Variants in CSMD3 observed in about 807,000 individuals in gnomAD.
CSMD3 encodes CUB and sushi domain-containing protein 3.
In CSMD3, 177 loss-of-function variants were observed where a neutral mutation model predicts 435.2. That is an observed-to-expected ratio of 0.41 (90% CI 0.36 to 0.46). The LOEUF (loss-of-function observed/expected upper bound fraction) is 0.46, where lower values mean the gene tolerates loss of function less well. Among genes scored for constraint, CSMD3 ranks in the 20% least tolerant of loss-of-function variants. The pLI is 0.34. For synonymous variants in CSMD3, 1,656 were observed against 1,520.5 expected (o/e 1.09, Z -2.07); for missense variants, 4,265 against 4,504.6 (o/e 0.95, Z 1.52).
intron 10 of CSMD3, among the ~76,000 whole-genome samples, chr8:112,861,316 C>G (rs2080820742): frequency 6.6e-6 from 1 of 151,816 alleles, no homozygotes; most frequent in Admixed American, 6.6e-5. Flanking sequence ...AGCTTGGTAT[C>G]TATTTCCGAT....
chr8:112,254,211 T>C (rs758596072), intron 63 of CSMD3, 42 bp downstream of exon 63: 4 of 1,372,932 alleles, frequency 2.9e-6, no homozygotes, highest in Non-Finnish European at 4.2e-6. Flanking sequence ...AGACGCATTC[T>C]GACCTAGTAT....
intron 3 of CSMD3, among the ~76,000 whole-genome samples, chr8:113,230,094 T>C (rs1359062532): frequency 6.6e-6 from 1 of 151,572 alleles, no homozygotes; most frequent in Non-Finnish European, 1.5e-5. Context: ...AGATAATAGG[T>C]TCTGGGTACT....
chr8:112,650,461 T>C lies in CSMD3; in HGVS notation c.3005-112A>G, dbSNP rs941684188. 3.5e-5 allele frequency: 30 copies of C among 856,090 alleles called. No homozygotes were observed. In the Middle Eastern group the frequency reaches 1.9e-3, roughly 54 times the overall value. The allele number at this position is 856,090 out of a possible 1,614,324, so 53.0% of individuals were successfully genotyped here. On this transcript the variant is annotated intron_variant, in intron 18 of 70. Transcript: ENST00000297405. ...AAGCAATGATTTTTACAAATAAAGG[T>C]ACTCGTACTTCATTTTTAAAATCAG...
At chr8:112,899,973 C>T (rs1442032352) in intron 10 of CSMD3, among the ~76,000 whole-genome samples, 1 of 151,038 alleles carries the variant, frequency 6.6e-6, no homozygotes, top group African/African-American at 2.4e-5. Context: ...GTAATGTTTA[C>T]TAAAGTAAAG....
chr8:112,552,801 C>A (rs2131203725), intron 25 of CSMD3, 81 bp from the exon 26 acceptor site: 1 of 1,215,390 alleles, frequency 8.2e-7, no homozygotes, highest in Admixed American at 1.8e-5. Flanking sequence ...CATGAGTAGA[C>A]AAAAGAATAC....
In CSMD3 at chr8:112,503,943, T is replaced by C. The variant is rs375631859; in HGVS notation, c.4930A>G (p.Ile1644Val). 2.4e-5 allele frequency: 39 copies of C among 1,610,100 alleles called. No homozygotes were observed. The African/African-American group carries it at 4.6e-4, about 19-fold the overall frequency. Reference protein sequence around the residue: ...SIEPNYDFLYIYDGPDSNSPL... With the variant: ...SIEPNYDFLYVYDGPDSNSPL... Reference sequence around the variant, plus strand: ...CTATTACTGTCTGGTCCATCATAGATATAGAGGAAGTCATAGTTTGGTTCT... The same window carrying C: ...CTATTACTGTCTGGTCCATCATAGACATAGAGGAAGTCATAGTTTGGTTCT... Residue 1644 changes from isoleucine to valine, a missense_variant, in exon 30 of 71, where the codon ATC (isoleucine) becomes GTC (valine). Ile to Val is a conservative substitution (Grantham distance 29). Transcript: ENST00000297405.
At chr8:112,747,962 CAAAAAAAA>C (rs71309788) in intron 13 of CSMD3, among the ~76,000 whole-genome samples, 2 of 96,778 alleles carry the variant, frequency 2.1e-5, no homozygotes. Context: ...GACTCCGTCT[CAAAAAAAA>C]AAAAAAAAAA....
chr8:113,174,168 C>A (rs1352568913), intron 3 of CSMD3, among the ~76,000 whole-genome samples: 2 of 152,042 alleles, frequency 1.3e-5, no homozygotes, highest in Non-Finnish European at 2.9e-5. Flanking sequence ...GTCTTCAGAG[C>A]ATTACTCATA....
intron 22 of CSMD3, among the ~76,000 whole-genome samples, chr8:112,587,760 T>C (rs1830854162): frequency 1.3e-5 from 2 of 151,854 alleles, no homozygotes; most frequent in Admixed American, 6.6e-5. Context: ...AAAACTGATA[T>C]AATAGTTAAA....
At chr8:112,926,921 C>A (rs972951891) in intron 9 of CSMD3, among the ~76,000 whole-genome samples, 1 of 151,886 alleles carries the variant, frequency 6.6e-6, no homozygotes, top group Non-Finnish European at 1.5e-5. Flanking sequence ...GAAATTTAAC[C>A]CTAAGTAGCA....
intron 4 of CSMD3, among the ~76,000 whole-genome samples, chr8:113,153,101 A>AAAGAAAGAAAGG (rs35085690): frequency 1.0e-5 from 1 of 99,994 alleles, no homozygotes; most frequent in African/African-American, 4.7e-5. Context: ...AGAAAGAAAG[A>AAAGAAAGAAAGG]AAAGAAAGAA....
At chr8:112,520,680 TA>T (rs1166558095) in intron 27 of CSMD3, among the ~76,000 whole-genome samples, 1 of 152,022 alleles carries the variant, frequency 6.6e-6, no homozygotes, top group Non-Finnish European at 1.5e-5. Context: ...TTGTGGTTAT[TA>T]AAAATAATAG....
At chr8:112,945,084 A>G (rs955221235) in intron 9 of CSMD3, among the ~76,000 whole-genome samples, 2 of 151,648 alleles carry the variant, frequency 1.3e-5, no homozygotes, top group Non-Finnish European at 3.0e-5. Flanking sequence ...TTCTCCAGAA[A>G]TCTCTGGATG....
intron 31 of CSMD3, among the ~76,000 whole-genome samples, chr8:112,488,478 G>T (rs933738867): frequency 6.6e-6 from 1 of 152,066 alleles, no homozygotes; most frequent in Non-Finnish European, 1.5e-5. Context: ...AAAAAATAAA[G>T]AATAAACAAA....
intron 13 of CSMD3, among the ~76,000 whole-genome samples, chr8:112,727,539 A>T (rs1334885549): frequency 6.6e-6 from 1 of 151,848 alleles, no homozygotes; most frequent in African/African-American, 2.4e-5. Flanking sequence ...TAATGACTTC[A>T]GTTTAAATGG....
chr8:113,082,728 T>C lies in CSMD3; in HGVS notation c.917+16028A>G, dbSNP rs1039487337. 3.9e-5 allele frequency among the ~76,000 whole-genome samples: 6 copies of C among 152,202 alleles called. No individual in the cohort carries two copies. In the East Asian group the frequency reaches 5.8e-4, roughly 15 times the overall value. On this transcript the variant is annotated intron_variant, in intron 5 of 70. Transcript: ENST00000297405. ...AAAATCAGGAAAACAATTCTTAATC[T>C]GAATGAGAAATTCAACAGAGATATC...
chr8:113,279,636 TG>T (rs1206633941), intron 2 of CSMD3, among the ~76,000 whole-genome samples: 2 of 151,818 alleles, frequency 1.3e-5, no homozygotes, highest in Admixed American at 6.6e-5. Context: ...AGATTTGTTT[TG>T]TTTTTTTAAT....
intron 3 of CSMD3, among the ~76,000 whole-genome samples, chr8:113,252,858 C>T (rs1232981964): frequency 6.6e-6 from 1 of 151,970 alleles, no homozygotes; most frequent in Non-Finnish European, 1.5e-5. Context: ...TAGATCACAT[C>T]AAGATATTAT....
At chr8:112,440,438 C>T (rs1199590369) in intron 32 of CSMD3, among the ~76,000 whole-genome samples, 1 of 152,022 alleles carries the variant, frequency 6.6e-6, no homozygotes, top group Admixed American at 6.6e-5. Flanking sequence ...CTTCTCCAGG[C>T]CCACCGCTCA....
Sources: gnomAD v4.1 joint callset for allele counts (sites outside exome capture counted in the v4.1 genomes callset) on GRCh38, gnomAD v4.1.1 for gene constraint, MANE v1.5 for transcripts, NCBI Gene and HGNC (gene_info 2026-07-23, HGNC 2026-07-21) for gene names.